CEP128: variants seen among roughly 807,000 people sequenced by gnomAD.
CEP128 encodes centrosomal protein 128kDa.
A neutral mutation model predicts 156.7 loss-of-function variants in CEP128; 132 were observed. The observed-to-expected ratio is 0.84, with a 90% confidence interval of 0.73 to 0.97. CEP128 has a LOEUF of 0.97. Among genes scored for constraint, CEP128 ranks in the 50% least tolerant of loss-of-function variants. The probability of loss-of-function intolerance (pLI) is 0.00; values close to 1 mark genes in which losing one functional copy is unlikely to be tolerated. For synonymous variants in CEP128, 469 were observed against 448.9 expected (o/e 1.04, Z -0.57); for missense variants, 1,252 against 1,281.9 (o/e 0.98, Z 0.36).
Position 80,722,879 on chromosome 14 carries a change from T to G in CEP128, c.2806+20196A>C, listed in dbSNP as rs185134006. Among the ~76,000 whole-genome samples, 557 of 144,406 alleles carry G rather than the reference T, an allele frequency of 3.9e-3. 3 individuals carry two copies. The highest frequency in any genetic ancestry group is 0.014 in the African/African-American group (532 of 38,732). The allele number at this position is 144,406 out of a possible 152,430, so 94.7% of individuals were successfully genotyped here. ...TCTTGCTCTGTCGCCCAGGCTGGAG[T>G]GCAATGGCGCGATCTCGGCTCACTG... On this transcript the variant is annotated intron_variant, in intron 19 of 24. Transcript: ENST00000555265.
intron 19 of CEP128, among the ~76,000 whole-genome samples, chr14:80,623,333 T>A (rs919429960): frequency 1.3e-5 from 2 of 151,182 alleles, no homozygotes; most frequent in Non-Finnish European, 2.9e-5. Flanking sequence ...GGGGGAGGGA[T>A]AGCATTGGGA....
intron 19 of CEP128, among the ~76,000 whole-genome samples, chr14:80,606,650 T>C (rs769346631): frequency 1.3e-5 from 2 of 152,080 alleles, no homozygotes; most frequent in African/African-American, 2.4e-5. Flanking sequence ...GTTATCTTTG[T>C]TTGGGAAACA....
chr14:80,731,674 C>T (rs1338441789), intron 19 of CEP128, among the ~76,000 whole-genome samples: 4 of 152,008 alleles, frequency 2.6e-5, no homozygotes, highest in Admixed American at 2.6e-4. Flanking sequence ...TTTATCTGAT[C>T]TACGAAGGAG....
chr14:80,480,415 C>T (rs569991983), intron 14 of CEP128, among the ~76,000 whole-genome samples: 1 of 152,242 alleles, frequency 6.6e-6, no homozygotes, highest in South Asian at 2.1e-4. Flanking sequence ...CTTCCACCCT[C>T]TGAAGCCATA....
At chr14:80,883,417 A>G (rs1356157812) in intron 8 of CEP128, among the ~76,000 whole-genome samples, 1 of 152,162 alleles carries the variant, frequency 6.6e-6, no homozygotes, top group African/African-American at 2.4e-5. Flanking sequence ...AAATCAACAT[A>G]CAAAACTCAG....
At chr14:80,618,855 C>T (rs1263671684) in intron 19 of CEP128, among the ~76,000 whole-genome samples, 6 of 152,152 alleles carry the variant, frequency 3.9e-5, no homozygotes, top group African/African-American at 1.4e-4. Context: ...AGCAGACCTG[C>T]GTATTTGTAT....
intron 8 of CEP128, among the ~76,000 whole-genome samples, chr14:80,883,005 C>A (rs1485270198): frequency 1.3e-5 from 2 of 151,874 alleles, no homozygotes; most frequent in Non-Finnish European, 2.9e-5. Context: ...TGACTAAGGT[C>A]AATAAGAATT....
intron 19 of CEP128, among the ~76,000 whole-genome samples, chr14:80,598,609 C>T (rs1377740855): frequency 2.0e-5 from 3 of 151,924 alleles, no homozygotes; most frequent in African/African-American, 7.2e-5. Context: ...TTGTAGCTAA[C>T]AACAAGATTA....
chr14:80,884,221 G>A (rs762892160), intron 8 of CEP128, among the ~76,000 whole-genome samples: 8 of 152,118 alleles, frequency 5.3e-5, no homozygotes, highest in Non-Finnish European at 8.8e-5. Context: ...AGCAGAAACG[G>A]ACAAATGGGA....
At chr14:80,665,154 C>T (rs975259566) in intron 19 of CEP128, among the ~76,000 whole-genome samples, 1 of 152,174 alleles carries the variant, frequency 6.6e-6, no homozygotes, top group African/African-American at 2.4e-5. Context: ...ATATAGAATA[C>T]ACCTACATTG....
At chr14:80,881,740 A>G (rs569731011) in intron 8 of CEP128, among the ~76,000 whole-genome samples, 1 of 152,358 alleles carries the variant, frequency 6.6e-6, no homozygotes, top group East Asian at 1.9e-4. Context: ...AGTGGGATTT[A>G]GCCCAGAAAT....
intron 23 of CEP128, among the ~76,000 whole-genome samples, chr14:80,524,104 T>G (rs1888870534): frequency 6.6e-6 from 1 of 152,214 alleles, no homozygotes; most frequent in African/African-American, 2.4e-5. Context: ...GTAAGGTAAC[T>G]AGGTAACTAT....
intron 22 of CEP128, among the ~76,000 whole-genome samples, chr14:80,530,172 C>T (rs1027179014): frequency 2.0e-5 from 3 of 152,130 alleles, no homozygotes; most frequent in African/African-American, 7.2e-5. Flanking sequence ...CATCTGCAGC[C>T]CTAAGGCTAT....
intron 17 of CEP128, among the ~76,000 whole-genome samples, chr14:80,759,686 T>C (rs751235941): frequency 3.9e-5 from 6 of 152,182 alleles, no homozygotes; most frequent in Admixed American, 1.3e-4. Context: ...TGAATTAGTC[T>C]TTCTCTAGGG....
At chr14:80,695,072 C>T (rs1191837998) in intron 19 of CEP128, among the ~76,000 whole-genome samples, 1 of 151,658 alleles carries the variant, frequency 6.6e-6, no homozygotes, top group Non-Finnish European at 1.5e-5. Flanking sequence ...AAAGAAACTA[C>T]AGTGGAGATG....
intron 19 of CEP128, among the ~76,000 whole-genome samples, chr14:80,629,617 T>C (rs1049674741): frequency 1.2e-4 from 15 of 127,552 alleles, no homozygotes; most frequent in African/African-American, 1.5e-4. Flanking sequence ...TTTCACAAAG[T>C]AAAGCCTTTT....
chr14:80,774,775 A>G (rs2139754483), intron 16 of CEP128, among the ~76,000 whole-genome samples: 1 of 152,290 alleles, frequency 6.6e-6, no homozygotes, highest in Admixed American at 6.5e-5. Flanking sequence ...AATATCAAGC[A>G]TAATTATAAA....
chr14:80,627,953 T>G lies in CEP128; in HGVS notation c.2807-47530A>C, dbSNP rs1039417963. On this transcript the variant is annotated intron_variant, in intron 19 of 24. Coordinates refer to ENST00000555265, the MANE Select transcript of CEP128 (RefSeq NM_152446.5). ...TTTCAAGTGACCTAACCCATTCATC[T>G]CACTCAGGCTGTGTGTGTGTGTATA... is the stretch of plus-strand genomic sequence containing the variant. Among the ~76,000 whole-genome samples the G allele has an allele frequency of 4.6e-5, 7 of 152,270 alleles. No individual in the cohort carries two copies. In the East Asian group the frequency reaches 1.4e-3, roughly 29 times the overall value.
At chr14:80,545,684 A>G (rs537114162) in intron 21 of CEP128, among the ~76,000 whole-genome samples, 2 of 152,316 alleles carry the variant, frequency 1.3e-5, no homozygotes, top group East Asian at 3.9e-4. Context: ...TAGATTAAAA[A>G]GAAAAAATAC....
Sources: gnomAD v4.1 joint callset for allele counts (sites outside exome capture counted in the v4.1 genomes callset) on GRCh38, gnomAD v4.1.1 for gene constraint, MANE v1.5 for transcripts, NCBI Gene and HGNC (gene_info 2026-07-23, HGNC 2026-07-21) for gene names.